Variants in MAMDC2 observed in about 807,000 individuals in gnomAD.
MAMDC2 encodes the protein MAM domain-containing protein 2.
A neutral mutation model predicts 89.8 loss-of-function variants in MAMDC2; 57 were observed. The observed-to-expected ratio is 0.63, with a 90% CI of 0.51 to 0.79. The LOEUF is 0.79. Ranked by LOEUF, MAMDC2 falls within the 30% of genes least tolerant of loss-of-function variation. The pLI is 0.00. For synonymous variants in MAMDC2, 313 were observed against 293.4 expected (o/e 1.07, Z -0.68); for missense variants, 800 against 820.6 (o/e 0.97, Z 0.31).
chr9:70,059,241 T>C (rs1017435185), intron 2 of MAMDC2, among the ~76,000 whole-genome samples: 10 of 152,206 alleles, frequency 6.6e-5, no homozygotes, highest in East Asian at 1.9e-4. Flanking sequence ...ATCAGTCTTC[T>C]GTCTTTCCAT....
intron 9 of MAMDC2, chr9:70,154,318 G>A (rs2031675632): frequency 6.6e-6 from 1 of 152,142 alleles, no homozygotes; most frequent in African/African-American, 2.4e-5. Context: ...ATGAATAGGT[G>A]TTGATGGTAA....
rs540481563 is a variant in MAMDC2, at chr9:70,199,877, C to T, written c.1652-18460C>T. On this transcript the variant is annotated intron_variant, in intron 11 of 13. Transcript: ENST00000377182. ...TTGAGAAGTGTCTGTTCATGTCCTT[C>T]GCCCACTTTTTGATGGGGTTGTTTG... Among the ~76,000 whole-genome samples, 1,074 of 151,062 alleles carry T rather than the reference C, an allele frequency of 7.1e-3. 8 individuals carry two copies. The highest frequency in any genetic ancestry group is 0.011 in the Non-Finnish European group (731 of 67,718).
chr9:70,195,104 A>T (rs1466995396), intron 11 of MAMDC2, among the ~76,000 whole-genome samples: 2 of 152,254 alleles, frequency 1.3e-5, no homozygotes, highest in East Asian at 3.9e-4. Flanking sequence ...AATGGAATCT[A>T]TTTAAAGAAA....
intron 11 of MAMDC2, among the ~76,000 whole-genome samples, chr9:70,209,425 T>C (rs1250426483): frequency 2.0e-5 from 3 of 152,214 alleles, no homozygotes; most frequent in Non-Finnish European, 4.4e-5. Context: ...CATAGAGGTG[T>C]TTATAGTATT....
rs149858450 is a variant in MAMDC2, at chr9:70,174,570, A to G, written c.1651+3939A>G. Among the ~76,000 whole-genome samples, 496 of 152,292 alleles carry G rather than the reference A, an allele frequency of 3.3e-3. 7 individuals carry two copies. Among genetic ancestry groups the G allele is most frequent in the African/African-American group, 0.011 (467 of 41,550 alleles). On this transcript the variant is annotated intron_variant, in intron 11 of 13. Transcript: ENST00000377182. The stretch of plus-strand genomic sequence containing the variant: ...GAGGGGACAGCCATTGCAAAGCCCC[A>G]TAAGTGAAAGCATGCTCAGTGTGTC...
chr9:70,082,498 A>G (rs1827675687), intron 2 of MAMDC2: 1 of 152,260 alleles, frequency 6.6e-6, no homozygotes, highest in Admixed American at 6.5e-5. Flanking sequence ...GAATGAAAGG[A>G]TGGTCTTTCA....
At chr9:70,174,265 G>C (rs890822482) in intron 11 of MAMDC2, among the ~76,000 whole-genome samples, 2 of 152,186 alleles carry the variant, frequency 1.3e-5, no homozygotes, top group African/African-American at 4.8e-5. Context: ...ATGAAACACA[G>C]ATGAACAAAA....
chr9:70,164,316 A>T (rs2032092486), intron 9 of MAMDC2, among the ~76,000 whole-genome samples: 2 of 152,194 alleles, frequency 1.3e-5, no homozygotes, highest in Non-Finnish European at 2.9e-5. Flanking sequence ...ATGTATTTTT[A>T]GTATAGTAGA....
At chr9:70,106,510 A>G (rs1443374026) in intron 2 of MAMDC2, among the ~76,000 whole-genome samples, 1 of 152,148 alleles carries the variant, frequency 6.6e-6, no homozygotes, top group East Asian at 1.9e-4. Context: ...AAGAAGCAGC[A>G]CTTTTTATCC....
chr9:70,130,761 G>A (rs551037564), intron 6 of MAMDC2, among the ~76,000 whole-genome samples: 2 of 151,842 alleles, frequency 1.3e-5, no homozygotes, highest in South Asian at 2.1e-4. Context: ...CCTGAGGGAT[G>A]GCAGGGAGGT....
At chr9:70,092,613 T>C (rs2997684) in intron 2 of MAMDC2, 3 of 152,160 alleles carry the variant, frequency 2.0e-5, no homozygotes, top group Middle Eastern at 3.2e-3. Flanking sequence ...CAGAGGCTCA[T>C]GGAAGGAAGG....
At chr9:70,055,937 A>C (rs1827015737) in intron 2 of MAMDC2, among the ~76,000 whole-genome samples, 1 of 152,170 alleles carries the variant, frequency 6.6e-6, no homozygotes. Flanking sequence ...TCTAGATAAG[A>C]ATTTTGGTAC....
intron 12 of MAMDC2, among the ~76,000 whole-genome samples, chr9:70,219,462 T>C (rs544430058): frequency 2.0e-5 from 3 of 152,368 alleles, no homozygotes; most frequent in African/African-American, 7.2e-5. Context: ...TCTGCGTCTT[T>C]AACCACTGGC....
chr9:70,120,133 A>T (rs896730864), intron 5 of MAMDC2, among the ~76,000 whole-genome samples: 5 of 152,102 alleles, frequency 3.3e-5, no homozygotes, highest in Admixed American at 2.6e-4. Flanking sequence ...TTGCCCCCTC[A>T]AACTCTGGAA....
At chr9:70,195,130 A>G (rs1232650830) in intron 11 of MAMDC2, among the ~76,000 whole-genome samples, 1 of 152,134 alleles carries the variant, frequency 6.6e-6, no homozygotes, top group Non-Finnish European at 1.5e-5. Context: ...TAAATGAATA[A>G]TAGTACAAAT....
In MAMDC2 at chr9:70,196,174, T is replaced by C. The variant is rs192103245; in HGVS notation, c.1652-22163T>C. 5.2e-4 allele frequency among the ~76,000 whole-genome samples: 79 copies of C among 152,130 alleles called. 1 individual carries two copies. The East Asian group carries it at 0.011, about 22-fold the overall frequency. ...ACCATAACAGTATGGGGGGAACCAA[T>C]CTCATGATTCAATTCTCTCCACTTG... On this transcript the variant is annotated intron_variant, in intron 11 of 13. Transcript: ENST00000377182.
At chr9:70,217,555 G>T (rs1457820612) in intron 11 of MAMDC2, 1 of 1,591,610 alleles carries the variant, frequency 6.3e-7, no homozygotes, top group African/African-American at 1.3e-5. Context: ...GGCTAAGCAA[G>T]CATCTAAAAA....
intron 2 of MAMDC2, among the ~76,000 whole-genome samples, chr9:70,094,198 A>G (rs552767553): frequency 6.6e-6 from 1 of 152,332 alleles, no homozygotes; most frequent in African/African-American, 2.4e-5. Flanking sequence ...TGATATGAGG[A>G]TAATTTCCCT....
At chr9:70,204,565 G>C (rs1314054796) in intron 11 of MAMDC2, among the ~76,000 whole-genome samples, 11 of 150,654 alleles carry the variant, frequency 7.3e-5, no homozygotes, top group Admixed American at 7.3e-4. Context: ...AGGCCTCCTT[G>C]AGCTGTGGTG....
Sources: gnomAD v4.1 joint callset for allele counts (sites outside exome capture counted in the v4.1 genomes callset) on GRCh38, gnomAD v4.1.1 for gene constraint, MANE v1.5 for transcripts, NCBI Gene and HGNC (gene_info 2026-07-23, HGNC 2026-07-21) for gene names.